Variants in ROR1 observed in about 807,000 individuals in gnomAD.
ROR1 encodes the protein inactive tyrosine-protein kinase transmembrane receptor ROR1.
Under a neutral mutation model 78.8 loss-of-function variants are expected in ROR1, and 19 were observed. The observed-to-expected ratio is 0.24, with a 90% CI of 0.17 to 0.35. The LOEUF (loss-of-function observed/expected upper bound fraction) is 0.35, where lower values mean the gene tolerates loss of function less well. Among genes scored for constraint, ROR1 ranks in the 10% least tolerant of loss-of-function variants. The probability of loss-of-function intolerance (pLI) is 1.00; values close to 1 mark genes in which losing one functional copy is unlikely to be tolerated. For missense variants in ROR1, 917 were observed against 1,177.8 expected, an observed-to-expected ratio of 0.78 and a Z score of 3.24; for synonymous variants, 386 against 433.6, an observed-to-expected ratio of 0.89 and a Z score of 1.36.
Position 64,079,005 on chromosome 1 carries a change from A to ATAGTTGAGTGTGC in ROR1, c.482+28291_482+28303dup, listed in dbSNP as rs1553156367. Among the ~76,000 whole-genome samples the ATAGTTGAGTGTGC allele has an allele frequency of 3.3e-5, 5 of 152,292 alleles. No homozygotes were observed. The South Asian group carries it at 1.0e-3, about 32-fold the overall frequency. On this transcript the variant is annotated intron_variant, in intron 4 of 8. Transcript: ENST00000371079. ...GAAAGGTGATGGATGGCATGTGAAA[A>ATAGTTGAGTGTGC]TAGTTGAGTGTGCTGAGAATCGTTG...
At chr1:63,797,603 C>A (rs1420724275) in intron 1 of ROR1, among the ~76,000 whole-genome samples, 2 of 152,158 alleles carry the variant, frequency 1.3e-5, no homozygotes, top group Admixed American at 1.3e-4. Context: ...TCTTCCTCTA[C>A]CTGAAATTCA....
chr1:63,982,571 C>T (rs557344665), intron 1 of ROR1, among the ~76,000 whole-genome samples: 1 of 152,218 alleles, frequency 6.6e-6, no homozygotes, highest in African/African-American at 2.4e-5. Flanking sequence ...TGGGTAGGCT[C>T]AGCAAACTTG....
At chr1:63,976,489 G>C (rs1400934965) in intron 1 of ROR1, among the ~76,000 whole-genome samples, 3 of 152,084 alleles carry the variant, frequency 2.0e-5, no homozygotes, top group Admixed American at 6.5e-5. Flanking sequence ...AACATAATTT[G>C]ACCTAATGTG....
chr1:64,146,840 G>T (rs1394663846), intron 7 of ROR1, among the ~76,000 whole-genome samples: 1 of 152,190 alleles, frequency 6.6e-6, no homozygotes, highest in African/African-American at 2.4e-5. Flanking sequence ...CTATGTGCCT[G>T]CATGGTGCCT....
At chr1:63,916,092 T>C (rs537600096) in intron 1 of ROR1, among the ~76,000 whole-genome samples, 27 of 152,342 alleles carry the variant, frequency 1.8e-4, no homozygotes, top group Admixed American at 9.8e-4. Flanking sequence ...CCAAAGCTTA[T>C]AGCTGAAAAC....
chr1:64,118,838 T>C (rs774397159), intron 4 of ROR1, among the ~76,000 whole-genome samples: 12 of 152,104 alleles, frequency 7.9e-5, no homozygotes, highest in Non-Finnish European at 1.5e-4. Context: ...ATGTGACTCA[T>C]AGATAAAAGC....
intron 1 of ROR1, among the ~76,000 whole-genome samples, chr1:63,920,053 G>A (rs1645642285): frequency 6.6e-6 from 1 of 152,180 alleles, no homozygotes; most frequent in African/African-American, 2.4e-5. Flanking sequence ...AAATCCATCT[G>A]TAATCTCCTG....
intron 1 of ROR1, among the ~76,000 whole-genome samples, chr1:63,986,826 G>C (rs1313275860): frequency 6.6e-6 from 1 of 151,830 alleles, no homozygotes; most frequent in Non-Finnish European, 1.5e-5. Flanking sequence ...GAGCCCAGGA[G>C]GTCATGGCGG....
intron 1 of ROR1, chr1:63,843,125 C>A: frequency 1.5e-6 from 1 of 684,434 alleles, no homozygotes. Flanking sequence ...AGGAAGGGGA[C>A]GGCCTGCAAC....
intron 4 of ROR1, among the ~76,000 whole-genome samples, chr1:64,059,938 A>G (rs1283803912): frequency 6.6e-6 from 1 of 152,158 alleles, no homozygotes; most frequent in Non-Finnish European, 1.5e-5. Flanking sequence ...ACAGAACTTG[A>G]GAGAGGAAAA....
At chr1:64,107,340 T>C (rs1185465984) in intron 4 of ROR1, among the ~76,000 whole-genome samples, 1 of 152,194 alleles carries the variant, frequency 6.6e-6, no homozygotes, top group Non-Finnish European at 1.5e-5. Flanking sequence ...TCAGACTCTC[T>C]TAACCACAAA....
At chr1:63,959,081 A>G (rs1411103014) in intron 1 of ROR1, among the ~76,000 whole-genome samples, 2 of 152,228 alleles carry the variant, frequency 1.3e-5, no homozygotes, top group Non-Finnish European at 2.9e-5. Context: ...ACAGTTCAGC[A>G]TGGCTTAGGA....
intron 1 of ROR1, among the ~76,000 whole-genome samples, chr1:63,859,604 A>G (rs1351003509): frequency 6.6e-6 from 1 of 152,168 alleles, no homozygotes; most frequent in Non-Finnish European, 1.5e-5. Context: ...GAGCTTGTGT[A>G]TAAGTAGCGG....
At chr1:63,856,105 G>T (rs1399224256) in intron 1 of ROR1, among the ~76,000 whole-genome samples, 1 of 151,436 alleles carries the variant, frequency 6.6e-6, no homozygotes, top group African/African-American at 2.4e-5. Flanking sequence ...CCTCATCAGG[G>T]GTTATATTTC....
At chr1:64,042,015 T>C (rs990327594) in intron 2 of ROR1, among the ~76,000 whole-genome samples, 1 of 152,176 alleles carries the variant, frequency 6.6e-6, no homozygotes, top group African/African-American at 2.4e-5. Context: ...TGTCTCAGCA[T>C]TGGTTTCTTC....
chr1:64,175,693 T>G (rs2100744445), intron 8 of ROR1, among the ~76,000 whole-genome samples: 1 of 152,332 alleles, frequency 6.6e-6, no homozygotes, highest in South Asian at 2.1e-4. Context: ...CAATCCCAAT[T>G]TGTCCTTTTA....
At chr1:64,156,150 G>C (rs1354080489) in intron 7 of ROR1, among the ~76,000 whole-genome samples, 1 of 152,206 alleles carries the variant, frequency 6.6e-6, no homozygotes, top group African/African-American at 2.4e-5. Flanking sequence ...ACTGGTACTA[G>C]AATAGATTTG....
intron 4 of ROR1, among the ~76,000 whole-genome samples, chr1:64,058,443 T>C (rs1007477507): frequency 7.2e-5 from 11 of 152,182 alleles, no homozygotes; most frequent in African/African-American, 2.6e-4. Flanking sequence ...TCTTTCACCA[T>C]TGAATATGAT....
intron 1 of ROR1, among the ~76,000 whole-genome samples, chr1:63,832,778 C>T (rs1388735056): frequency 1.3e-5 from 2 of 152,138 alleles, no homozygotes; most frequent in African/African-American, 2.4e-5. Context: ...GTTTTATCCA[C>T]GAAAAGTACT....
Sources: gnomAD v4.1 joint callset for allele counts (sites outside exome capture counted in the v4.1 genomes callset) on GRCh38, gnomAD v4.1.1 for gene constraint, MANE v1.5 for transcripts, NCBI Gene and HGNC (gene_info 2026-07-23, HGNC 2026-07-21) for gene names.